Variants in CCDC178 observed in about 807,000 individuals in gnomAD.
CCDC178 encodes the protein coiled-coil domain-containing protein 178.
CCDC178 carries 126 observed loss-of-function variants against 117.4 expected under a neutral mutation model. That is an observed-to-expected ratio of 1.07 (90% CI 0.93 to 1.24). CCDC178 has a LOEUF of 1.24. CCDC178 is among the 50% of genes most tolerant of loss of function. The probability of loss-of-function intolerance (pLI) is 0.00; values close to 1 mark genes in which losing one functional copy is unlikely to be tolerated. For missense variants in CCDC178, 1,030 were observed against 986.9 expected (o/e 1.04, Z -0.59); for synonymous variants, 283 against 313.4 (o/e 0.90, Z 1.02).
At chr18:33,284,917 G>GCA (rs151075460) in intron 12 of CCDC178, among the ~76,000 whole-genome samples, 124 of 148,518 alleles carry the variant, frequency 8.3e-4, no homozygotes, top group Admixed American at 1.1e-3. Flanking sequence ...AAGAAAGAAT[G>GCA]CACACACACA....
At chr18:33,351,147 G>GGTGTGTGTGTGTGTGTGT (rs756492350) in intron 7 of CCDC178, among the ~76,000 whole-genome samples, 1 of 74,042 alleles carries the variant, frequency 1.4e-5, no homozygotes, top group African/African-American at 5.3e-5. Context: ...CACTGATCAT[G>GGTGTGTGTGTGTGTGTGT]ATGTGTGTGT....
At chr18:33,366,699 G>A (rs905323186) in intron 6 of CCDC178, among the ~76,000 whole-genome samples, 1 of 151,948 alleles carries the variant, frequency 6.6e-6, no homozygotes, top group Non-Finnish European at 1.5e-5. Context: ...CATATTATAT[G>A]TAACTGGGGT....
chr18:33,150,299 G>GA (rs1241826726), intron 20 of CCDC178, among the ~76,000 whole-genome samples: 1 of 151,924 alleles, frequency 6.6e-6, no homozygotes, highest in Non-Finnish European at 1.5e-5. Flanking sequence ...CAATAACACT[G>GA]AAAAAACTCT....
intron 20 of CCDC178, among the ~76,000 whole-genome samples, chr18:33,112,693 G>C (rs944041773): frequency 1.3e-5 from 2 of 151,864 alleles, no homozygotes; most frequent in Non-Finnish European, 2.9e-5. Context: ...TAGCTTTAAT[G>C]TCAGGTTCAT....
chr18:33,431,191 C>CTTTTTTTTTTTT (rs35139388), intron 2 of CCDC178, among the ~76,000 whole-genome samples: 1 of 117,252 alleles, frequency 8.5e-6, no homozygotes, highest in Non-Finnish European at 1.7e-5. Flanking sequence ...AATGATTTAA[C>CTTTTTTTTTTTT]TTTTTTTTTT....
intron 20 of CCDC178, among the ~76,000 whole-genome samples, chr18:33,203,015 T>C (rs1033671284): frequency 6.6e-6 from 1 of 152,180 alleles, no homozygotes. Flanking sequence ...TTTGAAAACA[T>C]TGCAAAATTT....
At chr18:33,236,618 T>C (rs1440118894) in intron 15 of CCDC178, among the ~76,000 whole-genome samples, 4 of 151,860 alleles carry the variant, frequency 2.6e-5, no homozygotes, top group South Asian at 2.1e-4. Context: ...AAAGGGAGAG[T>C]GACATCAACA....
intron 15 of CCDC178, among the ~76,000 whole-genome samples, chr18:33,242,146 C>A (rs1285442379): frequency 6.6e-6 from 1 of 151,666 alleles, no homozygotes; most frequent in Non-Finnish European, 1.5e-5. Context: ...GACAAAGGCA[C>A]CAAGAACCTA....
intron 21 of CCDC178, among the ~76,000 whole-genome samples, chr18:33,026,690 A>G (rs1363769716): frequency 5.3e-5 from 8 of 151,956 alleles, no homozygotes; most frequent in Non-Finnish European, 5.9e-5. Context: ...AATGAATGGT[A>G]GAAGTAAATG....
intron 20 of CCDC178, among the ~76,000 whole-genome samples, chr18:33,165,257 G>T (rs2058514815): frequency 2.6e-5 from 4 of 152,070 alleles, no homozygotes; most frequent in Admixed American, 2.0e-4. Flanking sequence ...AGAGTCTGAG[G>T]TGGGCAAATC....
At chr18:33,036,216 T>C (rs1173867133) in intron 21 of CCDC178, among the ~76,000 whole-genome samples, 1 of 151,938 alleles carries the variant, frequency 6.6e-6, no homozygotes, top group East Asian at 1.9e-4. Context: ...GATAGTAATA[T>C]GTAGTATCTA....
intron 2 of CCDC178, among the ~76,000 whole-genome samples, chr18:33,436,786 C>T (rs76003152): frequency 0.012 from 1,806 of 151,562 alleles, 29 homozygotes; most frequent in African/African-American, 0.042. Context: ...TAGAATATGT[C>T]TATATGAAAA....
chr18:33,308,280 GATCT>G (rs2144939370), intron 11 of CCDC178, among the ~76,000 whole-genome samples: 1 of 152,354 alleles, frequency 6.6e-6, no homozygotes, highest in South Asian at 2.1e-4. Context: ...AGCCAAAGGA[GATCT>G]ATTTTGGGAC....
At position 33,086,999 on chromosome 18, in the gene CCDC178, C is replaced by T. The variant is rs573348253; in HGVS notation, c.2388+5762G>A. On this transcript the variant is annotated intron_variant, in intron 21 of 22. Coordinates refer to ENST00000383096, the MANE Select transcript of CCDC178 (RefSeq NM_001105528.4). ...ACACACACACACACACACACACACA[C>T]ACACACACACACACAACAAAATAGC... is the stretch of plus-strand genomic sequence containing the variant. Among the ~76,000 whole-genome samples, 4 of 150,270 alleles carry T rather than the reference C, an allele frequency of 2.7e-5. No homozygotes were observed. In the East Asian group the frequency reaches 7.9e-4, roughly 29 times the overall value.
intron 17 of CCDC178, 129 bp from the exon 18 acceptor site, chr18:33,223,348 A>G (rs2059262130): frequency 3.7e-6 from 4 of 1,081,298 alleles, no homozygotes; most frequent in Non-Finnish European, 4.9e-6. Flanking sequence ...GGAAAGAACC[A>G]TCACACATAA....
Position 33,270,544 on chromosome 18 carries a change from C to A in CCDC178, c.1177-3247G>T, listed in dbSNP as rs556769485. ...AAGGATCTTCAATATGATTAACAGA[C>A]AATTTTTCAGTCAAAACAATGGGAA... On this transcript the variant is annotated intron_variant, in intron 12 of 22. Coordinates refer to ENST00000383096, the MANE Select transcript of CCDC178 (RefSeq NM_001105528.4). Among the ~76,000 whole-genome samples, 13 of 151,584 alleles carry A rather than the reference C, an allele frequency of 8.6e-5. No individual in the cohort carries two copies. The South Asian group carries it at 2.7e-3, about 31-fold the overall frequency.
chr18:33,381,408 G>A (rs747853034), intron 5 of CCDC178, among the ~76,000 whole-genome samples: 5 of 152,012 alleles, frequency 3.3e-5, no homozygotes, highest in African/African-American at 4.8e-5. Flanking sequence ...ACCAGAGACC[G>A]AGAAATGAAG....
At chr18:33,007,600 A>C (rs1392289728) in intron 21 of CCDC178, among the ~76,000 whole-genome samples, 1 of 152,126 alleles carries the variant, frequency 6.6e-6, no homozygotes, top group East Asian at 1.9e-4. Context: ...CTAACGACTC[A>C]AATTATATTG....
At chr18:32,955,931 T>C (rs1426859442) in intron 22 of CCDC178, among the ~76,000 whole-genome samples, 3 of 152,198 alleles carry the variant, frequency 2.0e-5, no homozygotes, top group East Asian at 3.8e-4. Context: ...ATATTACTGT[T>C]TTCCTCCAAG....
Sources: gnomAD v4.1 joint callset for allele counts (sites outside exome capture counted in the v4.1 genomes callset) on GRCh38, gnomAD v4.1.1 for gene constraint, MANE v1.5 for transcripts, NCBI Gene and HGNC (gene_info 2026-07-23, HGNC 2026-07-21) for gene names.